The following CDYL2 variants were observed in gnomAD, a reference collection of about 807,000 sequenced individuals.
CDYL2 encodes the protein chromodomain Y-like protein 2.
A neutral mutation model predicts 49.4 loss-of-function variants in CDYL2; 23 were observed. The observed-to-expected ratio is 0.47, with a 90% CI of 0.34 to 0.66. CDYL2 has a LOEUF of 0.66. Among genes scored for constraint, CDYL2 ranks in the 30% least tolerant of loss-of-function variants. The pLI is 0.01. For missense variants in CDYL2, 678 were observed against 656.4 expected (o/e 1.03, Z -0.36); for synonymous variants, 360 against 268.8 (o/e 1.34, Z -3.32).
In CDYL2 at chr16:80,612,185, GCT is replaced by G. The variant is rs1906629747; in HGVS notation, c.1218+439_1218+440del. Reference sequence around the variant, plus strand: ...GAAGCCCTCCAGGGTGATGCTTCTGGCTCTCTCTTCTCTCCCATTGGCTGGAA... The same window carrying G: ...GAAGCCCTCCAGGGTGATGCTTCTGGCTCTCTTCTCTCCCATTGGCTGGAA... On this transcript the variant is annotated intron_variant, in intron 5 of 6. Transcript: ENST00000570137. The surrounding 1 kb of genome is among the most constrained non-coding windows in gnomAD (Gnocchi z 5.0). Among the ~76,000 whole-genome samples, 1 of 152,208 alleles carries G rather than the reference GCT, an allele frequency of 6.6e-6. No homozygotes were observed. Among genetic ancestry groups the G allele is most frequent in the African/African-American group, 2.4e-5 (1 of 41,460 alleles).
chr16:80,675,729 A>G (rs1024777908), intron 2 of CDYL2, among the ~76,000 whole-genome samples: 1 of 149,994 alleles, frequency 6.7e-6, no homozygotes, highest in African/African-American at 2.5e-5. Flanking sequence ...CAATAAGGAG[A>G]GCGGCTTTTC....
intron 1 of CDYL2, among the ~76,000 whole-genome samples, chr16:80,784,013 C>T (rs1305822308): frequency 6.6e-6 from 1 of 152,098 alleles, no homozygotes; most frequent in Non-Finnish European, 1.5e-5. Flanking sequence ...TTGAAATGTA[C>T]ATTTGAAATG....
chr16:80,777,082 A>G (rs1352712002), intron 1 of CDYL2, among the ~76,000 whole-genome samples: 1 of 152,054 alleles, frequency 6.6e-6, no homozygotes, highest in African/African-American at 2.4e-5. Flanking sequence ...TTGGCCTCCC[A>G]AAGTGCTAGG....
intron 1 of CDYL2, among the ~76,000 whole-genome samples, chr16:80,740,369 CAT>C (rs1905692500): frequency 6.6e-6 from 1 of 152,274 alleles, no homozygotes; most frequent in East Asian, 1.9e-4. Flanking sequence ...TATGAACAGA[CAT>C]ATGTATTTGA....
At chr16:80,615,830 T>G (rs1906803127) in intron 4 of CDYL2, among the ~76,000 whole-genome samples, 1 of 152,102 alleles carries the variant, frequency 6.6e-6, no homozygotes, top group African/African-American at 2.4e-5. Context: ...GATATGAAAA[T>G]GTCACCCGAT....
chr16:80,700,003 G>T (rs1904292721), intron 1 of CDYL2, among the ~76,000 whole-genome samples: 2 of 152,128 alleles, frequency 1.3e-5, no homozygotes, highest in Non-Finnish European at 2.9e-5. Flanking sequence ...GAGTAGCTGG[G>T]ACTACAGGTG....
At chr16:80,761,075 C>T (rs542667433) in intron 1 of CDYL2, among the ~76,000 whole-genome samples, 11 of 152,276 alleles carry the variant, frequency 7.2e-5, no homozygotes, top group African/African-American at 2.4e-4. Context: ...CTCAGTCCCA[C>T]AAAGGAGAGA....
chr16:80,715,663 C>G (rs907975777), intron 1 of CDYL2, among the ~76,000 whole-genome samples: 1 of 152,136 alleles, frequency 6.6e-6, no homozygotes, highest in African/African-American at 2.4e-5. Flanking sequence ...ACTCCCTCTC[C>G]CTGTTTAAAA....
At chr16:80,677,507 G>A (rs933048393) in intron 2 of CDYL2, among the ~76,000 whole-genome samples, 5 of 152,082 alleles carry the variant, frequency 3.3e-5, no homozygotes, top group African/African-American at 1.2e-4. Context: ...GGGAGGCTGA[G>A]GCGGGCGGAC....
intron 1 of CDYL2, among the ~76,000 whole-genome samples, chr16:80,753,884 T>C (rs966560516): frequency 3.3e-5 from 5 of 152,202 alleles, no homozygotes; most frequent in Non-Finnish European, 5.9e-5. Context: ...TACATATTTC[T>C]TACAAAGGAT....
intron 1 of CDYL2, among the ~76,000 whole-genome samples, chr16:80,774,440 G>C (rs1297409437): frequency 6.6e-6 from 1 of 152,118 alleles, no homozygotes; most frequent in Non-Finnish European, 1.5e-5. Flanking sequence ...CAGGTGCAAA[G>C]CTTCAGTTAG....
chr16:80,658,822 G>A (rs901944551), intron 2 of CDYL2, among the ~76,000 whole-genome samples: 20 of 152,134 alleles, frequency 1.3e-4, no homozygotes, highest in African/African-American at 4.8e-4. Flanking sequence ...GCTGCTTCCA[G>A]GGCTTGGGCA....
At chr16:80,641,392 A>C (rs912690846) in intron 2 of CDYL2, among the ~76,000 whole-genome samples, 13 of 152,152 alleles carry the variant, frequency 8.5e-5, no homozygotes, top group African/African-American at 2.9e-4. Flanking sequence ...TATCTGGTGA[A>C]AATCTCCTTC....
intron 1 of CDYL2, among the ~76,000 whole-genome samples, chr16:80,702,477 A>C (rs941696576): frequency 2.0e-5 from 3 of 152,216 alleles, no homozygotes; most frequent in Non-Finnish European, 2.9e-5. Flanking sequence ...AGGTCTGGAC[A>C]TGAGGGCTCA....
At chr16:80,644,653 C>G (rs1340015919) in intron 2 of CDYL2, among the ~76,000 whole-genome samples, 1 of 152,152 alleles carries the variant, frequency 6.6e-6, no homozygotes, top group Non-Finnish European at 1.5e-5. Context: ...CCTGATAAAA[C>G]CATCAGATCT....
chr16:80,684,790 C>G lies in CDYL2; in HGVS notation c.364G>C (p.Gly122Arg). Residue 122 changes from glycine (G) to arginine (R), a missense_variant, in exon 2 of 7, where the codon GGC (glycine) becomes CGC (arginine). By Grantham distance (125) the Gly-to-Arg change is moderately radical. Coordinates refer to ENST00000570137, the MANE Select transcript of CDYL2 (RefSeq NM_152342.4). Reference protein sequence around the residue: ...PLAKPKKGYSGKPSSGGDRAT... With the variant: ...PLAKPKKGYSRKPSSGGDRAT... ...CTGTCACCTCCTGAAGAGGGCTTGC[C>G]TGAATACCCTTTTTTTGGCTTGGCC... The G allele has an allele frequency of 6.2e-7, 1 of 1,614,246 alleles. No individual in the cohort carries two copies. The highest frequency in any genetic ancestry group is 1.1e-5 in the South Asian group (1 of 91,084).
Position 80,684,951 on chromosome 16 carries a change from G to A in CDYL2, c.203C>T (p.Ser68Leu), listed in dbSNP as rs1452963835. 1.2e-6 allele frequency: 2 copies of A among 1,614,176 alleles called. No individual in the cohort carries two copies. The highest frequency in any genetic ancestry group is 8.5e-7 in the Non-Finnish European group (1 of 1,180,044). Residue 68 changes from serine to leucine, a missense_variant, in exon 2 of 7, where the codon TCA (serine) becomes TTA (leucine). Ser to Leu is a moderately radical substitution (Grantham distance 145). Transcript: ENST00000570137. ...CTTGGAGGTACTGGACTGCTTCCCT[G>A]ACTTGATCCTCTTGTCCTTGGACAT... The part of the protein sequence containing the change: ...LHMSKDKRIK[S>L]GKQSSTSKLL...
At chr16:80,765,406 A>C (rs935913964) in intron 1 of CDYL2, among the ~76,000 whole-genome samples, 3 of 151,788 alleles carry the variant, frequency 2.0e-5, no homozygotes, top group Non-Finnish European at 4.4e-5. Context: ...TTTTCAGCAG[A>C]TTTGACATGG....
At chr16:80,787,756 C>A (rs1027466791) in intron 1 of CDYL2, among the ~76,000 whole-genome samples, 1 of 152,154 alleles carries the variant, frequency 6.6e-6, no homozygotes, top group Non-Finnish European at 1.5e-5. Flanking sequence ...TTTTATATAT[C>A]TCTTTCTAGT....
Sources: gnomAD v4.1 joint callset for allele counts (sites outside exome capture counted in the v4.1 genomes callset) on GRCh38, gnomAD v4.1.1 for gene constraint, Gnocchi (gnomAD v3.1) non-coding constraint, MANE v1.5 for transcripts, NCBI Gene and HGNC (gene_info 2026-07-23, HGNC 2026-07-21) for gene names.